C1orf94: variants seen among roughly 807,000 people sequenced by gnomAD.
The protein encoded by C1orf94 is chromosome 1 open reading frame 94, also known as uncharacterized protein C1orf94.
A neutral mutation model predicts 53.6 loss-of-function variants in C1orf94; 45 were observed. The observed-to-expected ratio is 0.84, with a 90% CI of 0.66 to 1.08. C1orf94 has a LOEUF of 1.08. C1orf94 is among the 50% of genes least tolerant of loss of function. The probability of loss-of-function intolerance (pLI) is 0.00; values close to 1 mark genes in which losing one functional copy is unlikely to be tolerated. For missense variants in C1orf94, 762 were observed against 738.9 expected (o/e 1.03, Z -0.36); for synonymous variants, 304 against 296.1 (o/e 1.03, Z -0.27).
intron 1 of C1orf94, among the ~76,000 whole-genome samples, chr1:34,190,460 G>A (rs1038470135): frequency 6.6e-6 from 1 of 152,082 alleles, no homozygotes; most frequent in Non-Finnish European, 1.5e-5. Flanking sequence ...GATGCACCAA[G>A]CTCTTTCCCT....
rs745335397 is a variant in C1orf94, at chr1:34,178,141, G to A, written c.320+32G>A. 13 of 1,532,620 alleles carry A rather than the reference G, an allele frequency of 8.5e-6. 1 individual carries two copies. In the South Asian group the frequency reaches 1.3e-4, roughly 16 times the overall value. The allele number at this position is 1,532,620 out of a possible 1,614,324, so 94.9% of individuals were successfully genotyped here. A position where few individuals can be genotyped will look rare whatever the true frequency, so the allele number is the denominator to read the frequency against. On this transcript the variant is annotated intron_variant, in intron 1 of 6. Transcript: ENST00000488417. ...ACCCCCCTACTCCATTGGCAGCAAG[G>A]GAGGAGGGAGGAGATGAAGTCTGAC... is the stretch of plus-strand genomic sequence containing the variant.
chr1:34,208,384 G>T, intron 5 of C1orf94, 150 bp downstream of exon 5: 1 of 758,300 alleles, frequency 1.3e-6, no homozygotes, highest in Non-Finnish European at 2.2e-6. Context: ...CGGCATGCGT[G>T]TGGAAAACAC....
intron 1 of C1orf94, among the ~76,000 whole-genome samples, chr1:34,189,456 G>T (rs1053651237): frequency 9.9e-5 from 15 of 152,252 alleles, no homozygotes; most frequent in South Asian, 2.1e-4. Flanking sequence ...GAAGACACAG[G>T]CAGCTTGGCA....
chr1:34,206,120 C>A (rs1642788135), intron 4 of C1orf94, among the ~76,000 whole-genome samples: 1 of 152,174 alleles, frequency 6.6e-6, no homozygotes, highest in Admixed American at 6.5e-5. Flanking sequence ...GAGCCTAGGG[C>A]AGCCTGGCAC....
At chr1:34,201,523 A>G (rs1642707052) in intron 3 of C1orf94, among the ~76,000 whole-genome samples, 1 of 152,210 alleles carries the variant, frequency 6.6e-6, no homozygotes, top group East Asian at 1.9e-4. Flanking sequence ...GAAACAACTC[A>G]ACCTAACTTC....
intron 2 of C1orf94, among the ~76,000 whole-genome samples, chr1:34,199,442 A>G (rs1368533632): frequency 1.3e-5 from 2 of 152,234 alleles, no homozygotes; most frequent in Non-Finnish European, 2.9e-5. Context: ...AAATTGGCTC[A>G]GGCTAGAGCA....
At chr1:34,172,800 G>T (rs545276176), upstream of C1orf94, among the ~76,000 whole-genome samples, 1 of 152,226 alleles carries the variant, frequency 6.6e-6, no homozygotes, top group East Asian at 1.9e-4. Context: ...GACAACATGA[G>T]GGGGAGGCCC....
chr1:34,176,505 C>G (rs1019767472), upstream of C1orf94, among the ~76,000 whole-genome samples: 1 of 152,220 alleles, frequency 6.6e-6, no homozygotes, highest in East Asian at 1.9e-4. Context: ...CTGAAGCTGT[C>G]TCAGTGGTCA....
chr1:34,202,256 T>G lies in C1orf94; in HGVS notation c.1443T>G (p.Tyr481Ter). ...CGAATCACTCTACCTTCTTGCAGTA[T>G]CAGGTCAGTGAGCTGGCCTGGCTCT... ...VFTNHSTFLQ[Y>*]QGLYPQQAAR... Residue 481 changes from tyrosine to a stop codon, truncating the protein, a stop_gained, in exon 4 of 7, where the codon TAT becomes TAG. Transcript: ENST00000488417. LOFTEE classifies it high-confidence loss of function. 6.2e-7 allele frequency: 1 copy of G among 1,614,012 alleles called. No individual in the cohort carries two copies. Among genetic ancestry groups the G allele is most frequent in the South Asian group, 1.1e-5 (1 of 91,020 alleles).
intron 1 of C1orf94, among the ~76,000 whole-genome samples, chr1:34,188,677 G>A (rs1048407155): frequency 6.6e-6 from 1 of 152,186 alleles, no homozygotes; most frequent in Non-Finnish European, 1.5e-5. Context: ...AATTTACCGA[G>A]TGCTTTCACA....
rs1642903571 is a variant in C1orf94, at chr1:34,212,307, C to A, written c.1622C>A (p.Pro541His). 6.2e-7 allele frequency: 1 copy of A among 1,614,046 alleles called. No individual in the cohort carries two copies. The highest frequency in any genetic ancestry group is 8.5e-7 in the Non-Finnish European group (1 of 1,180,008). ...ATCCCTTTTGTCCAGCCCAATTATC[C>A]CTACCCTCAGAGGACACCTCCAAAG... ...SYIPFVQPNY[P>H]YPQRTPPKMS... Residue 541 changes from proline to histidine, a missense_variant, in exon 6 of 7, where the codon CCC becomes CAC. Physicochemically the swap from Pro to His is moderately conservative, Grantham distance 77. Coordinates refer to ENST00000488417, the MANE Select transcript of C1orf94 (RefSeq NM_001134734.2).
intron 1 of C1orf94, among the ~76,000 whole-genome samples, chr1:34,171,387 G>T (rs1642142686): frequency 6.6e-6 from 1 of 152,170 alleles, no homozygotes; most frequent in African/African-American, 2.4e-5. Flanking sequence ...AGCAGTATTT[G>T]TCAGTGCCAT....
At chr1:34,190,794 G>A (rs1167005618) in intron 1 of C1orf94, among the ~76,000 whole-genome samples, 1 of 152,188 alleles carries the variant, frequency 6.6e-6, no homozygotes, top group Non-Finnish European at 1.5e-5. Flanking sequence ...TCTTCATTTT[G>A]AAAATTGGGG....
chr1:34,197,249 A>G lies in C1orf94; in HGVS notation c.345A>G (p.Lys115=). 6.5e-7 allele frequency: 1 copy of G among 1,540,794 alleles called. No individual in the cohort carries two copies. The highest frequency in any genetic ancestry group is 1.2e-5 in the South Asian group (1 of 82,984). Residue 115 remains lysine, a synonymous_variant, in exon 2 of 7, where the codon AAA becomes AAG. Transcript: ENST00000488417. This position sits in a 1 kb window ranked among gnomAD's most constrained non-coding sequence, Gnocchi z 4.1. ...GAGCTCTGGAGCTCAGCAGTGGCAA[A>G]GATGAGATCTCCTTGTTGGTGGAAC... ...QEEALELSSG[K]DEISLLVEQE... is the part of the protein sequence containing the mutation.
chr1:34,183,124 G>T (rs1238969228), intron 1 of C1orf94, among the ~76,000 whole-genome samples: 3 of 152,182 alleles, frequency 2.0e-5, no homozygotes, highest in Non-Finnish European at 4.4e-5. Context: ...CTGGTTGGAC[G>T]GTGTGCCATT....
chr1:34,197,264 G>C lies in C1orf94; in HGVS notation c.360G>C (p.Leu120Phe). 1.9e-6 allele frequency: 3 copies of C among 1,548,744 alleles called. No homozygotes were observed. Among genetic ancestry groups the C allele is most frequent in the African/African-American group, 2.7e-5 (2 of 73,050 alleles). The stretch of plus-strand genomic sequence containing the variant: ...GCAGTGGCAAAGATGAGATCTCCTT[G>C]TTGGTGGAACAGGAGTTCCTAAGCC... ...ELSSGKDEIS[L>F]LVEQEFLSLT... The change falls in exon 2 of 7, where the codon TTG becomes TTC. Residue 120 changes from leucine to phenylalanine, a missense_variant. Coordinates refer to ENST00000488417, the MANE Select transcript of C1orf94 (RefSeq NM_001134734.2). This position sits in a 1 kb window ranked among gnomAD's most constrained non-coding sequence, Gnocchi z 4.1.
rs1253297543 is a variant in C1orf94, at chr1:34,197,504, T to C, written c.600T>C (p.Cys200=). The change falls in exon 2 of 7, where the codon TGT becomes TGC. Residue 200 remains cysteine (C), a synonymous_variant. Transcript: ENST00000488417. This position sits in a 1 kb window ranked among gnomAD's most constrained non-coding sequence, Gnocchi z 4.1. ...AMPVISSRQD[C]DSATSTVTDI... Reference sequence around the variant, plus strand: ...CCGTTATCAGCAGCAGGCAGGACTGTGATTCTGCCACTTCTACTGTCACAG... The same window carrying C: ...CCGTTATCAGCAGCAGGCAGGACTGCGATTCTGCCACTTCTACTGTCACAG... 6.2e-7 allele frequency: 1 copy of C among 1,613,982 alleles called. No homozygotes were observed. Among genetic ancestry groups the C allele is most frequent in the Non-Finnish European group, 8.5e-7 (1 of 1,180,022 alleles).
intron 4 of C1orf94, among the ~76,000 whole-genome samples, chr1:34,204,760 G>A (rs1479651309): frequency 1.3e-5 from 2 of 152,044 alleles, no homozygotes; most frequent in Non-Finnish European, 2.9e-5. Context: ...CAGGTGTGGT[G>A]GCATGTGCCT....
Position 34,177,781 on chromosome 1 carries a change from T to G in C1orf94, c.-9T>G. ...TGCCAAGCCCCATCCTCATCTCCCT[T>G]TCTGGTGAATGAGGGGTGGTGGTGG... is the stretch of plus-strand genomic sequence containing the variant. On this transcript the variant is annotated 5_prime_UTR_variant, in exon 1 of 7. Coordinates refer to ENST00000488417, the MANE Select transcript of C1orf94 (RefSeq NM_001134734.2). The G allele has an allele frequency of 6.6e-7, 1 of 1,525,616 alleles. No individual in the cohort carries two copies. Among genetic ancestry groups the G allele is most frequent in the East Asian group, 2.5e-5 (1 of 40,470 alleles). 94.5% of individuals were successfully genotyped at this position (1,525,616 alleles called of 1,614,324 possible).
Sources: allele counts gnomAD v4.1 joint callset (sites outside exome capture counted in the v4.1 genomes callset), GRCh38; gene constraint gnomAD v4.1.1; non-coding constraint Gnocchi (gnomAD v3.1); transcripts MANE v1.5; gene names NCBI Gene and HGNC (gene_info 2026-07-23, HGNC 2026-07-21).